Variants in CYP26C1 observed in about 807,000 individuals in gnomAD.
CYP26C1 encodes cytochrome P450 26C1.
Under a neutral mutation model 39.1 loss-of-function variants are expected in CYP26C1, and 41 were observed. That is an observed-to-expected ratio of 1.05 (90% CI 0.82 to 1.36). CYP26C1 has a LOEUF of 1.36. Among genes scored for constraint, CYP26C1 ranks in the 40% most tolerant of loss-of-function variants. CYP26C1 has a pLI of 0.00. For synonymous variants in CYP26C1, 362 were observed against 350.8 expected, an observed-to-expected ratio of 1.03 and a Z score of -0.36; for missense variants, 833 against 752.0, an observed-to-expected ratio of 1.11 and a Z score of -1.26.
In CYP26C1 at chr10:93,061,545, T is replaced by A. The variant is rs894334211; in HGVS notation, c.204+78T>A. The stretch of plus-strand genomic sequence containing the variant: ...CCCACTGGACCCTCCTCAGTCTCAA[T>A]GCCCATGGGATTTGTAGCCAGTCCC... On this transcript the variant is annotated intron_variant, in intron 1 of 5. Transcript: ENST00000651965. The A allele has an allele frequency of 1.3e-5, 19 of 1,496,128 alleles. No homozygotes were observed. In the Admixed American group the frequency reaches 3.9e-4, roughly 31 times the overall value. The allele number at this position is 1,496,128 out of a possible 1,614,324, so 92.7% of individuals were successfully genotyped here.
chr10:93,064,671 G>A, intron 4 of CYP26C1, 135 bp downstream of exon 4: 1 of 1,447,098 alleles, frequency 6.9e-7, no homozygotes, highest in South Asian at 1.5e-5. Context: ...TGAGGGGCAA[G>A]AGGAGACCTG....
Position 93,068,421 on chromosome 10 carries a change from G to A in CYP26C1, c.1293G>A (p.Glu431=), listed in dbSNP as rs757780166. Reference sequence around the variant, plus strand: ...GCCCTCCCGAAGGCTTCGATCCAGAGCGCTTCGGCGCAGCGCGCGAAGATT... The same window carrying A: ...GCCCTCCCGAAGGCTTCGATCCAGAACGCTTCGGCGCAGCGCGCGAAGATT... ...YRSPPEGFDP[E]RFGAAREDSR... Residue 431 remains glutamate (E), a synonymous_variant, in exon 6 of 6, where the codon GAG becomes GAA. Coordinates refer to ENST00000651965, the MANE Select transcript of CYP26C1 (RefSeq NM_183374.3). 7 of 1,611,996 alleles carry A rather than the reference G, an allele frequency of 4.3e-6. No individual in the cohort carries two copies. In the African/African-American group the frequency reaches 8.0e-5, roughly 18 times the overall value.
chr10:93,063,476 C>T (rs565422067), intron 3 of CYP26C1: 14 of 987,784 alleles, frequency 1.4e-5, no homozygotes, highest in Non-Finnish European at 1.7e-5. Context: ...CTCCACCAGC[C>T]CTGGACCCGC....
Position 93,062,792 on chromosome 10 carries a change from G to A in CYP26C1, c.502G>A (p.Glu168Lys). 1 of 1,538,118 alleles carries A rather than the reference G, an allele frequency of 6.5e-7. No homozygotes were observed. Among genetic ancestry groups the A allele is most frequent in the South Asian group, 1.2e-5 (1 of 84,354 alleles). The change falls in exon 3 of 6, where the codon GAG becomes AAG. Residue 168 changes from glutamate (E) to lysine (K), a missense_variant. Transcript: ENST00000651965. ...VPRLQGALRH[E>K]VRSWCAAGGP... ...GCGCCTGCAGGGGGCGCTGCGGCAT[G>A]AGGTGCGCTCCTGGTGCGCGGCGGG...
rs377713946 is a variant in CYP26C1, at chr10:93,062,891, C to A, written c.601C>A (p.Arg201=). ...GGCCGCGCGCATCCTGCTGGGGTTG[C>A]GGCTGGACGAGGCGCAGTGCGCCAC... The part of the protein sequence containing the change: ...RMAARILLGL[R]LDEAQCATLA... The change falls in exon 3 of 6, where the codon CGG becomes AGG. Residue 201 remains arginine, a synonymous_variant. Transcript: ENST00000651965. 20 of 1,605,008 alleles carry A rather than the reference C, an allele frequency of 1.2e-5. No individual in the cohort carries two copies. Among genetic ancestry groups the A allele is most frequent in the Non-Finnish European group, 1.7e-5 (20 of 1,179,302 alleles).
chr10:93,065,510 G>A (rs1846814091), intron 4 of CYP26C1, among the ~76,000 whole-genome samples: 1 of 152,200 alleles, frequency 6.6e-6, no homozygotes, highest in South Asian at 2.1e-4. Flanking sequence ...CGCACCACCA[G>A]GTGGTGAAGA....
Position 93,062,806 on chromosome 10 carries a change from G to C in CYP26C1, c.516G>C (p.Trp172Cys). The C allele has an allele frequency of 6.4e-7, 1 of 1,552,720 alleles. No individual in the cohort carries two copies. The highest frequency in any genetic ancestry group is 8.7e-7 in the Non-Finnish European group (1 of 1,155,916). The change falls in exon 3 of 6, where the codon TGG becomes TGC. Residue 172 changes from tryptophan to cysteine, a missense_variant. Trp to Cys is a radical substitution (Grantham distance 215). Transcript: ENST00000651965. ...CGCTGCGGCATGAGGTGCGCTCCTGGTGCGCGGCGGGCGGGCCGGTCTCAG... is the reference window on the plus strand; with the variant it reads ...CGCTGCGGCATGAGGTGCGCTCCTGCTGCGCGGCGGGCGGGCCGGTCTCAG... The part of the protein sequence containing the change: ...QGALRHEVRS[W>C]CAAGGPVSVY...
intron 5 of CYP26C1, 124 bp downstream of exon 5, chr10:93,066,409 A>T (rs1846830329): frequency 1.0e-6 from 1 of 966,086 alleles, no homozygotes; most frequent in Non-Finnish European, 1.3e-6. Flanking sequence ...CGGCGCGGTC[A>T]CCTCTTTTGC....
intron 4 of CYP26C1, among the ~76,000 whole-genome samples, chr10:93,064,926 G>C (rs1846805260): frequency 6.6e-6 from 1 of 152,134 alleles, no homozygotes; most frequent in African/African-American, 2.4e-5. Flanking sequence ...AAGGGGCTCA[G>C]GATCAAACTC....
chr10:93,061,326 C>T lies in CYP26C1; in HGVS notation c.63C>T (p.Cys21=). ...VLGAAGTALL[C]AGLLLSLAQH... ...GGGCGGCGGGCACTGCTCTCCTGTG[C>T]GCGGGCCTGCTGCTCAGCCTGGCCC... The change falls in exon 1 of 6, where the codon TGC becomes TGT. Residue 21 remains cysteine (C), a synonymous_variant. Coordinates refer to ENST00000651965, the MANE Select transcript of CYP26C1 (RefSeq NM_183374.3). The T allele has an allele frequency of 1.4e-5, 22 of 1,594,008 alleles. No homozygotes were observed. Among genetic ancestry groups the T allele is most frequent in the East Asian group, 2.3e-5 (1 of 44,056 alleles).
intron 4 of CYP26C1, chr10:93,064,807 G>GCT: frequency 8.7e-7 from 1 of 1,146,618 alleles, no homozygotes; most frequent in Non-Finnish European, 1.1e-6. Flanking sequence ...GCCACAAATG[G>GCT]CTCTCTCTCC....
chr10:93,065,960 C>T lies in CYP26C1; in HGVS notation c.866C>T (p.Ser289Leu). Reference protein sequence around the residue: ...HEPSMQELKESAVELLFAAFF... With the variant: ...HEPSMQELKELAVELLFAAFF... ...CAGCCCGGGGCTGTCTTGCAGGAGT[C>T]GGCTGTGGAGCTCCTCTTCGCCGCC... Residue 289 changes from serine (S) to leucine (L), a missense_variant, in exon 5 of 6, where the codon TCG (serine) becomes TTG (leucine). Physicochemically the swap from Ser to Leu is moderately radical, Grantham distance 145 (BLOSUM62 -2). Coordinates refer to ENST00000651965, the MANE Select transcript of CYP26C1 (RefSeq NM_183374.3). 2 of 1,579,716 alleles carry T rather than the reference C, an allele frequency of 1.3e-6. No homozygotes were observed. Among genetic ancestry groups the T allele is most frequent in the South Asian group, 1.1e-5 (1 of 88,398 alleles).
chr10:93,061,617 A>G (rs2422138), intron 1 of CYP26C1, 150 bp downstream of exon 1: 917,854 of 936,048 alleles, frequency 0.98, 450,382 homozygotes, highest in East Asian at 0.99. Context: ...TCTCGCCTTT[A>G]CCTAGATACT....
In CYP26C1 at chr10:93,065,977, T is replaced by C; in HGVS notation, c.883T>C (p.Phe295Leu). The change falls in exon 5 of 6, where the codon TTC (phenylalanine) becomes CTC (leucine). Residue 295 changes from phenylalanine (F) to leucine (L), a missense_variant. Physicochemically the swap from Phe to Leu is conservative, Grantham distance 22. Transcript: ENST00000651965. ...GCAGGAGTCGGCTGTGGAGCTCCTC[T>C]TCGCCGCCTTCTTCACCACGGCCAG... is the stretch of plus-strand genomic sequence containing the variant. ...ELKESAVELL[F>L]AAFFTTASAS... 6.3e-7 allele frequency: 1 copy of C among 1,583,140 alleles called. No homozygotes were observed. Among genetic ancestry groups the C allele is most frequent in the East Asian group, 2.5e-5 (1 of 40,370 alleles).
chr10:93,066,969 G>A (rs1369388450), intron 5 of CYP26C1, among the ~76,000 whole-genome samples: 2 of 152,250 alleles, frequency 1.3e-5, no homozygotes, highest in Non-Finnish European at 2.9e-5. Flanking sequence ...CCGGGCTGTG[G>A]GGGTACAGTG....
At chr10:93,061,628 CCGTT>C (rs71736446) in intron 1 of CYP26C1, among the ~76,000 whole-genome samples, 161 bp downstream of exon 1, 131,776 of 151,968 alleles carry the variant, frequency 0.87, 57,309 homozygotes, top group East Asian at 0.99. Context: ...CCTAGATACT[CCGTT>C]CCCTCGAAGG....
At chr10:93,068,255 T>G in intron 5 of CYP26C1, 65 bp from the exon 6 acceptor site, 1 of 1,444,940 alleles carries the variant, frequency 6.9e-7, no homozygotes, top group Non-Finnish European at 9.1e-7. Context: ...GGGTGGAGGG[T>G]CAGTTCAGGG....
At position 93,066,220 on chromosome 10, in the gene CYP26C1, G is replaced by C. The variant is rs1846825630; in HGVS notation, c.1126G>C (p.Val376Leu). 8.1e-6 allele frequency: 12 copies of C among 1,477,390 alleles called. No homozygotes were observed. The highest frequency in any genetic ancestry group is 9.8e-6 in the Non-Finnish European group (11 of 1,117,260). 91.5% of individuals were successfully genotyped at this position (1,477,390 alleles called of 1,614,324 possible). Residue 376 changes from valine to leucine, a missense_variant, in exon 5 of 6, where the codon GTG becomes CTG. Physicochemically the swap from Val to Leu is conservative, Grantham distance 32. Coordinates refer to ENST00000651965, the MANE Select transcript of CYP26C1 (RefSeq NM_183374.3). Reference sequence around the variant, plus strand: ...CTACGTCGACTGCGTGGTCAAGGAGGTGCTGCGCCTCCTGCCGCCAGTGTC... The same window carrying C: ...CTACGTCGACTGCGTGGTCAAGGAGCTGCTGCGCCTCCTGCCGCCAGTGTC... ...LRYVDCVVKE[V>L]LRLLPPVSGG...
At chr10:93,064,606 TC>T (rs752200763) in intron 4 of CYP26C1, 70 bp downstream of exon 4, 190 of 1,542,858 alleles carry the variant, frequency 1.2e-4, no homozygotes, top group Non-Finnish European at 1.6e-4. Flanking sequence ...CAATGCTGCA[TC>T]CCCAGAGCCA....
Sources: allele counts gnomAD v4.1 joint callset (sites outside exome capture counted in the v4.1 genomes callset), GRCh38; gene constraint gnomAD v4.1.1; transcripts MANE v1.5; gene names NCBI Gene and HGNC (gene_info 2026-07-23, HGNC 2026-07-21).